GALNS: variants seen among roughly 807,000 people sequenced by gnomAD.
The protein encoded by GALNS is galactosamine (N-acetyl)-6-sulfatase.
In GALNS, 65 loss-of-function variants were observed where a neutral mutation model predicts 65.9. That is an observed-to-expected ratio of 0.99 (90% confidence interval 0.81 to 1.21). The LOEUF is 1.21. Ranked by LOEUF, GALNS falls within the 50% of genes most tolerant of loss-of-function variation. GALNS has a pLI of 0.00. For missense variants in GALNS, 776 were observed against 700.7 expected (o/e 1.11, Z -1.21); for synonymous variants, 346 against 288.9 (o/e 1.20, Z -2.00).
chr16:88,836,102 G>A (rs1415405596), intron 6 of GALNS, 99 bp downstream of exon 6: 18 of 1,220,240 alleles, frequency 1.5e-5, no homozygotes, highest in Non-Finnish European at 2.0e-5. Context: ...ACGGGGTGAG[G>A]TTGATGCATT....
intron 3 of GALNS, 107 bp downstream of exon 3, chr16:88,841,790 C>T: frequency 2.0e-6 from 2 of 981,020 alleles, no homozygotes; most frequent in Admixed American, 4.0e-5. Flanking sequence ...CCAGCGGTAC[C>T]CCACCTGCAG....
rs200188757 is a variant in GALNS at position 88,824,914 on chromosome 16, G to C, written c.1140-45C>G. On this transcript the variant is annotated intron_variant, in intron 10 of 13. Transcript: ENST00000268695. ...GACCATGTAATGACAGGAAGGACAC[G>C]CTGGGGCCACCTGGAGGCTCTGGGC... is the stretch of plus-strand genomic sequence containing the variant. The C allele has an allele frequency of 8.1e-5, 124 of 1,531,238 alleles. 2 individuals carry two copies. In the East Asian group the frequency reaches 2.8e-3, roughly 34 times the overall value. 94.9% of individuals were successfully genotyped at this position (1,531,238 alleles called of 1,614,324 possible).
chr16:88,852,453 T>C (rs1967547306), intron 1 of GALNS, among the ~76,000 whole-genome samples: 1 of 152,018 alleles, frequency 6.6e-6, no homozygotes, highest in African/African-American at 2.4e-5. Context: ...AGCTGAAAAT[T>C]CTAAAAACCA....
chr16:88,856,193 T>C, intron 1 of GALNS: 1 of 702,952 alleles, frequency 1.4e-6, no homozygotes, highest in East Asian at 2.7e-5. Flanking sequence ...CTTCAGACCT[T>C]AGGGACACCT....
chr16:88,836,141 G>T, intron 6 of GALNS, 60 bp downstream of exon 6: 1 of 1,471,354 alleles, frequency 6.8e-7, no homozygotes, highest in South Asian at 1.2e-5. Flanking sequence ...ACAGGATGAG[G>T]TTGGTGCGGT....
intron 1 of GALNS, 94 bp from the exon 2 acceptor site, chr16:88,842,923 C>A (rs1036989583): frequency 6.4e-7 from 1 of 1,553,968 alleles, no homozygotes; most frequent in South Asian, 1.2e-5. Context: ...GTGTCGGGGA[C>A]CGTGGAAGCC....
chr16:88,837,402 C>T (rs1484989100), intron 5 of GALNS, among the ~76,000 whole-genome samples: 1 of 152,180 alleles, frequency 6.6e-6, no homozygotes, highest in African/African-American at 2.4e-5. Context: ...GATCTACGAC[C>T]CTGAAAAGGT....
chr16:88,848,002 A>G (rs1367257446), intron 1 of GALNS, among the ~76,000 whole-genome samples: 2 of 152,216 alleles, frequency 1.3e-5, no homozygotes, highest in African/African-American at 2.4e-5. Context: ...ACTGTGGACC[A>G]TGACTCAGCC....
intron 11 of GALNS, among the ~76,000 whole-genome samples, chr16:88,823,835 G>A (rs1910517120): frequency 6.7e-6 from 1 of 148,814 alleles, no homozygotes; most frequent in South Asian, 2.1e-4. Flanking sequence ...GGGGACCGAT[G>A]CCCAGGACGG....
intron 3 of GALNS, among the ~76,000 whole-genome samples, chr16:88,841,599 C>T (rs1228795821): frequency 1.3e-5 from 2 of 152,366 alleles, no homozygotes; most frequent in East Asian, 1.9e-4. Flanking sequence ...GCCACAGCCC[C>T]GGCCTCCCTG....
rs964783519 is a variant in GALNS, at chr16:88,821,746, G to C, written c.1364+843C>G. ...CCTACTCAAACCCAGGCCCATCGGGGAGCATAGAAAGCCTGGGCAGGGAGC... is the reference window on the plus strand; with the variant it reads ...CCTACTCAAACCCAGGCCCATCGGGCAGCATAGAAAGCCTGGGCAGGGAGC... On this transcript the variant is annotated intron_variant, in intron 12 of 13. Transcript: ENST00000268695. Among the ~76,000 whole-genome samples the C allele has an allele frequency of 5.9e-5, 9 of 152,214 alleles. No homozygotes were observed. The East Asian group carries it at 1.7e-3, about 29-fold the overall frequency.
chr16:88,819,097 G>A (rs754840694), intron 12 of GALNS, among the ~76,000 whole-genome samples: 21 of 152,368 alleles, frequency 1.4e-4, no homozygotes, highest in Middle Eastern at 6.8e-3. Context: ...TCAGCAGTCT[G>A]TGAGAACTGG....
rs1216388018 is a variant in GALNS, at chr16:88,841,923, T to TAGA, written c.290_292dup (p.Phe97dup). The TAGA allele has an allele frequency of 6.2e-7, 1 of 1,613,508 alleles. No homozygotes were observed. Among genetic ancestry groups the TAGA allele is most frequent in the Admixed American group, 1.7e-5 (1 of 59,944 alleles). On this transcript the variant is annotated inframe_insertion, in exon 3 of 14. Coordinates refer to ENST00000268695, the MANE Select transcript of GALNS (RefSeq NM_000512.5). ...GTTTCTGGCATGGGCGTTGGTGGTG[T>TAGA]AGAAGCCATTGCGGATGGGTAGCCG... is the stretch of plus-strand genomic sequence containing the variant.
At chr16:88,842,631 A>T (rs1967027118) in intron 2 of GALNS, 75 bp downstream of exon 2, 7 of 1,561,082 alleles carry the variant, frequency 4.5e-6, no homozygotes, top group Non-Finnish European at 3.5e-6. Context: ...GCCCAGAGTC[A>T]GGGCTGGAAG....
At chr16:88,847,037 A>G (rs903849954) in intron 1 of GALNS, among the ~76,000 whole-genome samples, 1 of 152,160 alleles carries the variant, frequency 6.6e-6, no homozygotes, top group Non-Finnish European at 1.5e-5. Context: ...TAAAGCAAGT[A>G]TCTGCAGCCC....
chr16:88,856,744 C>A lies in GALNS; in HGVS notation c.120+14G>T. 6.7e-7 allele frequency: 1 copy of A among 1,499,258 alleles called. No individual in the cohort carries two copies. Among genetic ancestry groups the A allele is most frequent in the East Asian group, 2.5e-5 (1 of 39,682 alleles). The allele number at this position is 1,499,258 out of a possible 1,614,324, so 92.9% of individuals were successfully genotyped here. A position where few individuals can be genotyped will look rare whatever the true frequency, so the allele number is the denominator to read the frequency against. On this transcript the variant is annotated intron_variant, in intron 1 of 13. Coordinates refer to ENST00000268695, the MANE Select transcript of GALNS (RefSeq NM_000512.5). ...CCCACCCCGGCCCTGCCCCGTCCCA[C>A]CGCCCGCACTCACGTCGTCCATGAG...
chr16:88,835,290 T>TA lies in GALNS; in HGVS notation c.820_821insT (p.Asp274ValfsTer42). ...GAAGGTGTTGTCCGCGACGTGCAGG[T>TA]CTTGGAGGAGCTCCAGTATCTTCCC... On this transcript the variant is annotated frameshift_variant, in exon 8 of 14. Transcript: ENST00000268695. LOFTEE classifies it high-confidence loss of function. The TA allele has an allele frequency of 6.2e-7, 1 of 1,613,420 alleles. No individual in the cohort carries two copies. Among genetic ancestry groups the TA allele is most frequent in the Non-Finnish European group, 8.5e-7 (1 of 1,179,770 alleles).
rs377407678 is a variant in GALNS, at chr16:88,818,003, T to C, written c.1482+4A>G. On this transcript the variant is annotated splice_donor_region_variant and intron_variant, in intron 13 of 13. Coordinates refer to ENST00000268695, the MANE Select transcript of GALNS (RefSeq NM_000512.5). Reference sequence around the variant, plus strand: ...AGACGGCCGCCCACACACCAGCCACTTACCATGACCGCCCAGTTGCACACG... The same window carrying C: ...AGACGGCCGCCCACACACCAGCCACCTACCATGACCGCCCAGTTGCACACG... The C allele has an allele frequency of 2.3e-4, 361 of 1,578,542 alleles. No individual in the cohort carries two copies. Among genetic ancestry groups the C allele is most frequent in the Non-Finnish European group, 2.3e-4 (274 of 1,168,086 alleles).
At chr16:88,818,237 G>C in intron 12 of GALNS, 113 bp from the exon 13 acceptor site, 1 of 851,444 alleles carries the variant, frequency 1.2e-6, no homozygotes, top group South Asian at 1.4e-5. Context: ...ACCACAGTGA[G>C]CAGTCACTGG....
Sources: gnomAD v4.1 joint callset for allele counts (sites outside exome capture counted in the v4.1 genomes callset) on GRCh38, gnomAD v4.1.1 for gene constraint, MANE v1.5 for transcripts, NCBI Gene and HGNC (gene_info 2026-07-23, HGNC 2026-07-21) for gene names.